Variants in PACSIN2 observed in about 807,000 individuals in gnomAD.
PACSIN2 encodes the protein protein kinase C and casein kinase substrate in neurons 2, also known as protein kinase C and casein kinase substrate in neurons protein 2.
In PACSIN2, 25 loss-of-function variants were observed where a neutral mutation model predicts 63.8. The observed-to-expected ratio is 0.39, with a 90% CI of 0.29 to 0.55. The LOEUF is 0.55. Among genes scored for constraint, PACSIN2 ranks in the 20% least tolerant of loss-of-function variants. The probability of loss-of-function intolerance (pLI) is 0.62; values close to 1 mark genes in which losing one functional copy is unlikely to be tolerated. For missense variants in PACSIN2, 518 were observed against 646.9 expected (o/e 0.80, Z 2.16); for synonymous variants, 255 against 256.2 (o/e 1.00, Z 0.05).
In PACSIN2 at chr22:42,888,747, C is replaced by T. The variant is rs1186305171; in HGVS notation, c.505G>A (p.Ala169Thr). 1 of 1,614,150 alleles carries T rather than the reference C, an allele frequency of 6.2e-7. No individual in the cohort carries two copies. The highest frequency in any genetic ancestry group is 8.5e-7 in the Non-Finnish European group (1 of 1,179,982). Residue 169 changes from alanine to threonine, a missense_variant, in exon 5 of 11, where the codon GCT becomes ACT. Physicochemically the swap from Ala to Thr is moderately conservative, Grantham distance 58. This residue lies in a region of PACSIN2 where 507 missense variants were observed against 612.3 expected (regional missense o/e 0.83). Transcript: ENST00000263246. ...TTGCTGTTGGCTTCTCGTGAGATAG[C>T]CAGCTTCTCCTCTTTGCACGCTGCA... ...HHAACKEEKL[A>T]ISREANSKAD... is the part of the protein sequence containing the mutation.
intron 1 of PACSIN2, among the ~76,000 whole-genome samples, chr22:42,918,069 G>C (rs1007326859): frequency 1.3e-5 from 2 of 152,188 alleles, no homozygotes; most frequent in African/African-American, 4.8e-5. Flanking sequence ...AACTGAGAAG[G>C]ATGTGAAAAT....
chr22:42,890,910 G>A, intron 4 of PACSIN2, 37 bp downstream of exon 4: 3 of 1,569,884 alleles, frequency 1.9e-6, no homozygotes, highest in Non-Finnish European at 2.6e-6. Flanking sequence ...GCCAGGCAGA[G>A]CAAGGCCGGG....
intron 1 of PACSIN2, among the ~76,000 whole-genome samples, chr22:42,992,886 G>A (rs898736342): frequency 3.3e-5 from 5 of 152,312 alleles, no homozygotes; most frequent in South Asian, 2.1e-4. Flanking sequence ...TATACTGGCC[G>A]GAAGTGGTGG....
intron 2 of PACSIN2, among the ~76,000 whole-genome samples, chr22:42,894,477 G>A (rs2146678788): frequency 6.6e-6 from 1 of 152,292 alleles, no homozygotes; most frequent in Admixed American, 6.5e-5. Context: ...TCCTGACCTT[G>A]TGATCCACCC....
intron 3 of PACSIN2, 81 bp downstream of exon 3, chr22:42,893,376 G>C (rs996932344): frequency 3.6e-6 from 5 of 1,408,104 alleles, no homozygotes; most frequent in African/African-American, 1.4e-5. Context: ...AACTGGCATA[G>C]AGAGGGTCAC....
chr22:42,977,815 C>T lies in PACSIN2; in HGVS notation c.-78+37206G>A, dbSNP rs1236532303. Among the ~76,000 whole-genome samples the T allele has an allele frequency of 3.9e-5, 6 of 152,214 alleles. No homozygotes were observed. The East Asian group carries it at 1.2e-3, about 29-fold the overall frequency. ...TCTCCTGCTCTGCCATGGTAAGACA[C>T]GCTTGCTTCCCCTTCCACCATGATT... On this transcript the variant is annotated intron_variant, in intron 1 of 10. Transcript: ENST00000263246.
At chr22:42,986,879 T>C (rs1166634015) in intron 1 of PACSIN2, among the ~76,000 whole-genome samples, 2 of 152,202 alleles carry the variant, frequency 1.3e-5, no homozygotes, top group African/African-American at 2.4e-5. Context: ...CTCACCTTTC[T>C]CTTCTGCTTA....
chr22:42,998,094 T>G (rs1026133439), intron 1 of PACSIN2, among the ~76,000 whole-genome samples: 6 of 152,176 alleles, frequency 3.9e-5, no homozygotes, highest in African/African-American at 1.4e-4. Flanking sequence ...AGGTTTGGAT[T>G]TGAGAATTAA....
At chr22:42,998,718 C>A (rs750887021) in intron 1 of PACSIN2, among the ~76,000 whole-genome samples, 2 of 152,108 alleles carry the variant, frequency 1.3e-5, no homozygotes, top group Non-Finnish European at 2.9e-5. Context: ...CAAGCCTGGA[C>A]CCAAGGCCCT....
At chr22:42,924,850 G>A (rs1046997886) in intron 1 of PACSIN2, among the ~76,000 whole-genome samples, 28 of 151,280 alleles carry the variant, frequency 1.9e-4, no homozygotes, top group African/African-American at 5.3e-4. Flanking sequence ...TCTGCCTCCC[G>A]GGTACACGCC....
At chr22:42,923,108 G>GAA (rs1328455378) in intron 1 of PACSIN2, among the ~76,000 whole-genome samples, 1 of 152,148 alleles carries the variant, frequency 6.6e-6, no homozygotes, top group East Asian at 1.9e-4. Flanking sequence ...GGACTAATCT[G>GAA]GCATCATAGA....
chr22:42,909,415 C>G (rs2146714992), intron 2 of PACSIN2: 1 of 411,422 alleles, frequency 2.4e-6, no homozygotes, highest in East Asian at 7.8e-5. Context: ...GAAAGAGGAA[C>G]TTGCTACCTG....
intron 1 of PACSIN2, among the ~76,000 whole-genome samples, chr22:42,975,097 G>A (rs1921599658): frequency 6.6e-6 from 1 of 152,088 alleles, no homozygotes; most frequent in African/African-American, 2.4e-5. Context: ...TGGCATTTTG[G>A]TCTTGTTCTG....
At chr22:42,929,364 G>T (rs533205346) in intron 1 of PACSIN2, among the ~76,000 whole-genome samples, 94 of 152,336 alleles carry the variant, frequency 6.2e-4, no homozygotes, top group Non-Finnish European at 1.0e-3. Context: ...ATTAATATTT[G>T]TATCTTGCAA....
At chr22:43,012,307 CAAAAAAAAA>C (rs35192048) in intron 1 of PACSIN2, among the ~76,000 whole-genome samples, 1 of 51,802 alleles carries the variant, frequency 1.9e-5, no homozygotes, top group Non-Finnish European at 3.6e-5. Context: ...GACTCTCTCT[CAAAAAAAAA>C]AAAAAAAAAA....
At chr22:42,875,541 A>ATT (rs35155364) in intron 10 of PACSIN2, among the ~76,000 whole-genome samples, 66 of 147,892 alleles carry the variant, frequency 4.5e-4, no homozygotes, top group Admixed American at 1.1e-3. Context: ...AGCCCAGCTA[A>ATT]TTTTTTTTTT....
chr22:42,873,105 A>G (rs1413701697), intron 10 of PACSIN2, among the ~76,000 whole-genome samples: 1 of 152,260 alleles, frequency 6.6e-6, no homozygotes, highest in South Asian at 2.1e-4. Context: ...AAAAAGCAGG[A>G]TAACACAGAA....
At chr22:42,936,192 G>C (rs1601545975) in intron 1 of PACSIN2, among the ~76,000 whole-genome samples, 1 of 150,682 alleles carries the variant, frequency 6.6e-6, no homozygotes, top group Non-Finnish European at 1.5e-5. Context: ...CTCCAGCCTG[G>C]GCGGCAGAGC....
intron 1 of PACSIN2, among the ~76,000 whole-genome samples, chr22:42,960,288 C>T (rs1934084716): frequency 1.3e-5 from 2 of 152,156 alleles, no homozygotes; most frequent in Non-Finnish European, 2.9e-5. Flanking sequence ...GACTTGCTTG[C>T]ACAGGATAAT....
Sources: allele counts gnomAD v4.1 joint callset (sites outside exome capture counted in the v4.1 genomes callset), GRCh38; gene constraint gnomAD v4.1.1; regional missense constraint gnomAD v4.1.1; transcripts MANE v1.5; gene names NCBI Gene and HGNC (gene_info 2026-07-23, HGNC 2026-07-21).